The following SH3PXD2A variants were observed in gnomAD, a reference collection of about 807,000 sequenced individuals.
SH3PXD2A encodes SH3 and PX domains 2A, also known as SH3 and PX domain-containing protein 2A.
In SH3PXD2A, 32 loss-of-function variants were observed where a neutral mutation model predicts 115.2. The observed-to-expected ratio is 0.28, with a 90% CI of 0.21 to 0.37. The LOEUF is 0.37. Ranked by LOEUF, SH3PXD2A falls within the 10% of genes least tolerant of loss-of-function variation. SH3PXD2A has a pLI of 1.00. For missense variants in SH3PXD2A, 1,328 were observed against 1,498.7 expected, an observed-to-expected ratio of 0.89 and a Z score of 1.88; for synonymous variants, 610 against 629.1, an observed-to-expected ratio of 0.97 and a Z score of 0.45.
rs571091159 is a variant in SH3PXD2A, at chr10:103,661,951, G to C, written c.473-837C>G. 292 of 985,238 alleles carry C rather than the reference G, an allele frequency of 3.0e-4. 1 individual carries two copies. The highest frequency in any genetic ancestry group is 1.3e-3 in the Admixed American group (21 of 16,278). 61.0% of individuals were successfully genotyped at this position (985,238 alleles called of 1,614,324 possible). ...CAAGTTCGCTCCGTTCCTGCCCCTC[G>C]GGCTCACCCAGGCGCTGCCACCGAG... is the stretch of plus-strand genomic sequence containing the variant. On this transcript the variant is annotated intron_variant, in intron 7 of 14. Transcript: ENST00000369774.
chr10:103,816,627 G>A (rs377219677), intron 1 of SH3PXD2A, among the ~76,000 whole-genome samples: 15 of 152,176 alleles, frequency 9.9e-5, no homozygotes, highest in Admixed American at 5.2e-4. Context: ...TAGCGTCACC[G>A]GATGACTCAG....
chr10:103,743,610 ATCT>A (rs2038468004), intron 3 of SH3PXD2A, among the ~76,000 whole-genome samples: 1 of 150,704 alleles, frequency 6.6e-6, no homozygotes, highest in African/African-American at 2.4e-5. Context: ...GTCTTAAGTG[ATCT>A]TCTTGCCTCA....
chr10:103,688,373 C>T (rs1216538503), intron 6 of SH3PXD2A, among the ~76,000 whole-genome samples: 1 of 152,190 alleles, frequency 6.6e-6, no homozygotes, highest in Admixed American at 6.5e-5. Flanking sequence ...GCAAGCCCTG[C>T]AGCCAAGGTC....
chr10:103,831,367 A>G (rs2039481250), intron 1 of SH3PXD2A, among the ~76,000 whole-genome samples: 1 of 152,220 alleles, frequency 6.6e-6, no homozygotes, highest in Non-Finnish European at 1.5e-5. Flanking sequence ...TGAATATACC[A>G]ATTCTTTTCC....
intron 6 of SH3PXD2A, among the ~76,000 whole-genome samples, chr10:103,687,083 C>T (rs541467905): frequency 1.3e-5 from 2 of 152,182 alleles, no homozygotes; most frequent in East Asian, 1.9e-4. Context: ...AGACCATGAC[C>T]GGATGACTTT....
At chr10:103,622,639 GA>G in intron 9 of SH3PXD2A, 86 bp from the exon 10 acceptor site, 3 of 688,070 alleles carry the variant, frequency 4.4e-6, no homozygotes, top group Non-Finnish European at 5.1e-6. Flanking sequence ...ATGGGGGTGG[GA>G]GGAAGGGGCA....
chr10:103,638,506 G>C (rs141672036), intron 8 of SH3PXD2A, among the ~76,000 whole-genome samples: 155 of 152,380 alleles, frequency 1.0e-3, no homozygotes, highest in African/African-American at 3.6e-3. Context: ...GGCAGAGAGG[G>C]ACACATGGTT....
At chr10:103,730,789 T>C (rs938366032) in intron 4 of SH3PXD2A, among the ~76,000 whole-genome samples, 9 of 151,956 alleles carry the variant, frequency 5.9e-5, no homozygotes, top group South Asian at 4.2e-4. Context: ...AAGGAGCTCA[T>C]AGTCTGGGAG....
chr10:103,704,727 G>A (rs1194084342), intron 5 of SH3PXD2A, among the ~76,000 whole-genome samples: 1 of 152,208 alleles, frequency 6.6e-6, no homozygotes, highest in Non-Finnish European at 1.5e-5. Context: ...GGGCTAGCCT[G>A]GGTGCAGGGC....
At chr10:103,696,497 C>T (rs555440402) in intron 5 of SH3PXD2A, among the ~76,000 whole-genome samples, 2 of 152,272 alleles carry the variant, frequency 1.3e-5, no homozygotes, top group East Asian at 1.9e-4. Flanking sequence ...AGAACCCCCC[C>T]TCTTCCCATC....
At chr10:103,821,060 T>C (rs1044341054) in intron 1 of SH3PXD2A, among the ~76,000 whole-genome samples, 9 of 151,800 alleles carry the variant, frequency 5.9e-5, no homozygotes, top group African/African-American at 1.9e-4. Context: ...ATGGTTTCAG[T>C]GAGGATTAAA....
chr10:103,698,244 C>T (rs967976773), intron 5 of SH3PXD2A, among the ~76,000 whole-genome samples: 2 of 152,240 alleles, frequency 1.3e-5, no homozygotes, highest in Non-Finnish European at 2.9e-5. Flanking sequence ...TGGGCCGGCT[C>T]TGTGGAAGGG....
intron 2 of SH3PXD2A, among the ~76,000 whole-genome samples, chr10:103,777,599 G>A (rs1462865967): frequency 2.6e-5 from 4 of 152,244 alleles, no homozygotes; most frequent in Non-Finnish European, 4.4e-5. Flanking sequence ...GCTGGAGGAT[G>A]CAATCCCAGG....
Position 103,661,060 on chromosome 10 carries a change from T to C in SH3PXD2A, c.527A>G (p.Asn176Ser), listed in dbSNP as rs566015876. ...CTCCGAGTTCTCCTGCTTCTTATAG[T>C]TGGACACCACCACGTACTGTTCCAG... is the stretch of plus-strand genomic sequence containing the variant. The part of the protein sequence containing the change: ...MILEQYVVVS[N>S]YKKQENSELS... Residue 176 changes from asparagine (N) to serine (S), a missense_variant, in exon 8 of 15, where the codon AAC (asparagine) becomes AGC (serine). Physicochemically the swap from Asn to Ser is conservative, Grantham distance 46. This residue lies in a region of SH3PXD2A where 90 missense variants were observed against 71.1 expected (regional missense o/e 1.27). Transcript: ENST00000369774. The C allele has an allele frequency of 5.8e-5, 94 of 1,614,108 alleles. No homozygotes were observed. In the South Asian group the frequency reaches 7.2e-4, roughly 12 times the overall value.
chr10:103,753,469 C>A (rs2038603313), intron 3 of SH3PXD2A, among the ~76,000 whole-genome samples: 1 of 142,104 alleles, frequency 7.0e-6, no homozygotes, highest in African/African-American at 2.6e-5. Context: ...GCACTCCAGC[C>A]TGGACAACAG....
At chr10:103,808,336 C>T (rs1169917548) in intron 1 of SH3PXD2A, among the ~76,000 whole-genome samples, 1 of 152,012 alleles carries the variant, frequency 6.6e-6, no homozygotes, top group Non-Finnish European at 1.5e-5. Flanking sequence ...ACTGCAACCT[C>T]CGCCTCCTGG....
At chr10:103,688,600 G>C (rs965434785) in intron 6 of SH3PXD2A, among the ~76,000 whole-genome samples, 9 of 152,204 alleles carry the variant, frequency 5.9e-5, no homozygotes, top group African/African-American at 2.2e-4. Flanking sequence ...CAGGCAAGAG[G>C]GAAGAGCAAG....
intron 2 of SH3PXD2A, among the ~76,000 whole-genome samples, chr10:103,793,256 C>T (rs892912232): frequency 2.6e-5 from 4 of 152,144 alleles, no homozygotes; most frequent in African/African-American, 9.7e-5. Context: ...ATCTGGAGTA[C>T]AGCCTTCTAG....
intron 5 of SH3PXD2A, among the ~76,000 whole-genome samples, chr10:103,718,226 AG>A (rs2038131099): frequency 6.6e-6 from 1 of 151,612 alleles, no homozygotes; most frequent in Admixed American, 6.6e-5. Flanking sequence ...TATGTTGCTC[AG>A]GCTGGTCTCA....
Sources: allele counts gnomAD v4.1 joint callset (sites outside exome capture counted in the v4.1 genomes callset), GRCh38; gene constraint gnomAD v4.1.1; regional missense constraint gnomAD v4.1.1; transcripts MANE v1.5; gene names NCBI Gene and HGNC (gene_info 2026-07-23, HGNC 2026-07-21).